The following ZNF536 variants were observed in gnomAD, a reference collection of about 807,000 sequenced individuals.
The protein encoded by ZNF536 is zinc finger protein 536.
In ZNF536, 13 loss-of-function variants were observed where a neutral mutation model predicts 84.5. The ratio of observed to expected loss-of-function variants is 0.15; its 90% CI spans 0.10 to 0.24. The LOEUF (loss-of-function observed/expected upper bound fraction) is 0.24, where lower values mean the gene tolerates loss of function less well. Ranked by LOEUF, ZNF536 falls within the 10% of genes least tolerant of loss-of-function variation. The pLI is 1.00. For synonymous variants in ZNF536, 811 were observed against 742.5 expected (o/e 1.09, Z -1.50); for missense variants, 1,536 against 1,747.5 (o/e 0.88, Z 2.16).
chr19:30,385,268 C>T (rs923155832), intron 1 of ZNF536, among the ~76,000 whole-genome samples: 2 of 152,010 alleles, frequency 1.3e-5, no homozygotes, highest in African/African-American at 2.4e-5. Flanking sequence ...GTCTAGCAAC[C>T]GCCCAGAGAC....
chr19:30,676,615 T>G (rs916101285), intron 1 of ZNF536, among the ~76,000 whole-genome samples: 6 of 152,272 alleles, frequency 3.9e-5, no homozygotes, highest in African/African-American at 1.4e-4. Context: ...GTGACTGGTT[T>G]ATAGATTATG....
chr19:30,444,015 G>T lies in ZNF536; in HGVS notation c.453G>T (p.Thr151=), dbSNP rs771040026. Residue 151 remains threonine, a synonymous_variant, in exon 2 of 5, where the codon ACG becomes ACT. Coordinates refer to ENST00000355537, the MANE Select transcript of ZNF536 (RefSeq NM_014717.3). ...FNSILSLHMR[T]HTGEKPFKCP... ...GCATCCTCTCCCTGCACATGCGCAC[G>T]CACACGGGCGAGAAGCCCTTCAAGT... 1 of 1,613,684 alleles carries T rather than the reference G, an allele frequency of 6.2e-7. No individual in the cohort carries two copies. The highest frequency in any genetic ancestry group is 1.1e-5 in the South Asian group (1 of 91,090).
intron 2 of ZNF536, among the ~76,000 whole-genome samples, chr19:30,517,431 G>A (rs943132344): frequency 5.3e-5 from 8 of 152,100 alleles, no homozygotes; most frequent in African/African-American, 1.4e-4. Context: ...GAAGGGGCCC[G>A]GTGGGGAGGA....
At chr19:30,569,967 G>A (rs1451459039) in intron 1 of ZNF536, among the ~76,000 whole-genome samples, 3 of 152,158 alleles carry the variant, frequency 2.0e-5, no homozygotes, top group African/African-American at 7.2e-5. Context: ...CTCCCCTGGG[G>A]GACACTTAGC....
chr19:30,471,662 A>T (rs2053638731), intron 2 of ZNF536, among the ~76,000 whole-genome samples: 1 of 152,214 alleles, frequency 6.6e-6, no homozygotes, highest in Non-Finnish European at 1.5e-5. Flanking sequence ...TGGGCAAAAC[A>T]GTATCACGGG....
downstream of ZNF536, among the ~76,000 whole-genome samples, chr19:30,561,270 G>A (rs2046154193): frequency 6.6e-6 from 1 of 152,230 alleles, no homozygotes; most frequent in African/African-American, 2.4e-5. Context: ...CTACTGGGAA[G>A]AGAGCTGGGG....
intron 1 of ZNF536, among the ~76,000 whole-genome samples, chr19:30,261,285 G>C (rs1427162605): frequency 9.5e-6 from 1 of 105,480 alleles, no homozygotes; most frequent in Non-Finnish European, 1.7e-5. Context: ...GCGACAGAGC[G>C]AGACTCCGTC....
intron 1 of ZNF536, among the ~76,000 whole-genome samples, chr19:30,690,716 T>C (rs1439975239): frequency 1.3e-5 from 2 of 152,168 alleles, no homozygotes; most frequent in Non-Finnish European, 2.9e-5. Context: ...GGCACATGAC[T>C]GTCTTTGCAC....
intron 1 of ZNF536, among the ~76,000 whole-genome samples, chr19:30,626,753 G>A (rs897548585): frequency 2.0e-5 from 3 of 152,216 alleles, no homozygotes; most frequent in Non-Finnish European, 2.9e-5. Context: ...TACTCGTGCA[G>A]AAGGGAAGGG....
At chr19:30,347,120 T>A (rs113129085) in intron 2 of ZNF536, among the ~76,000 whole-genome samples, 2 of 147,362 alleles carry the variant, frequency 1.4e-5, no homozygotes, top group Admixed American at 1.3e-4. Context: ...TTTTTTTTTT[T>A]ATATGATTCT....
rs762203005 is a variant in ZNF536, at chr19:30,445,065, C to T, written c.1503C>T (p.Ser501=). ...ATCTCGTGCCGCCGCTGAAATCCAG[C>T]TGCATCGAGCGGCTGCAGGCGGCTG... ...CLNLVPPLKS[S]CIERLQAAAK... The change falls in exon 2 of 5, where the codon AGC becomes AGT. Residue 501 remains serine (S), a synonymous_variant. Coordinates refer to ENST00000355537, the MANE Select transcript of ZNF536 (RefSeq NM_014717.3). The surrounding 1 kb of genome is among the most constrained non-coding windows in gnomAD (Gnocchi z 4.5). 39 of 1,613,566 alleles carry T rather than the reference C, an allele frequency of 2.4e-5. No individual in the cohort carries two copies. Among genetic ancestry groups the T allele is most frequent in the Non-Finnish European group, 2.9e-5 (34 of 1,180,052 alleles).
chr19:30,429,940 G>A (rs1433076), intron 1 of ZNF536, among the ~76,000 whole-genome samples: 76,310 of 151,652 alleles, frequency 0.5, 20,237 homozygotes, highest in Non-Finnish European at 0.59. Flanking sequence ...TCAGTCACAT[G>A]TGGGCCCCAG....
In ZNF536 at chr19:30,297,913, CTCT is replaced by C. The variant is rs1348590843; in HGVS notation, c.-120+13773_-120+13775del. The stretch of plus-strand genomic sequence containing the variant: ...TTTCTCAAGACGGAGTCCCCCCCCC[CTCT>C]GTCGCCCAGGCTGGAGTGCAGTGGT... On this transcript the variant is annotated intron_variant, in intron 2 of 5. Coordinates refer to the ZNF536 transcript ENST00000585628. Among the ~76,000 whole-genome samples the C allele has an allele frequency of 1.4e-3, 192 of 141,784 alleles. 6 individuals are homozygous for C. In the East Asian group the frequency reaches 0.019, roughly 14 times the overall value. The allele number at this position is 141,784 out of a possible 152,430, so 93.0% of individuals were successfully genotyped here. A position where few individuals can be genotyped will look rare whatever the true frequency, so the allele number is the denominator to read the frequency against.
intron 2 of ZNF536, among the ~76,000 whole-genome samples, chr19:30,315,585 G>C (rs1055256354): frequency 6.6e-6 from 1 of 152,158 alleles, no homozygotes; most frequent in Non-Finnish European, 1.5e-5. Flanking sequence ...GAAGGGTTTC[G>C]TGTTTCAGTG....
Position 30,549,479 on chromosome 19 carries a change from C to A in ZNF536, c.3860C>A (p.Ala1287Glu). Reference protein sequence around the residue: ...AAFNGLASSTANSGCIKRPDL... With the variant: ...AAFNGLASSTENSGCIKRPDL... Reference sequence around the variant, plus strand: ...TTTAACGGACTTGCAAGTAGCACAGCAAATTCTGGATGTATCAAGAGGCCA... The same window carrying A: ...TTTAACGGACTTGCAAGTAGCACAGAAAATTCTGGATGTATCAAGAGGCCA... Residue 1287 changes from alanine to glutamate, a missense_variant, in exon 4 of 5, where the codon GCA (alanine) becomes GAA (glutamate). Ala to Glu is a moderately radical substitution (Grantham distance 107). This residue lies in a region of ZNF536 where 624 missense variants were observed against 603.1 expected (regional missense o/e 1.03). Transcript: ENST00000355537. 1 of 1,517,494 alleles carries A rather than the reference C, an allele frequency of 6.6e-7. No individual in the cohort carries two copies. The highest frequency in any genetic ancestry group is 8.8e-7 in the Non-Finnish European group (1 of 1,133,384). The allele number at this position is 1,517,494 out of a possible 1,614,324, so 94.0% of individuals were successfully genotyped here. A position where few individuals can be genotyped will look rare whatever the true frequency, so the allele number is the denominator to read the frequency against.
chr19:30,588,639 C>T (rs537587009), intron 1 of ZNF536, among the ~76,000 whole-genome samples: 1 of 152,306 alleles, frequency 6.6e-6, no homozygotes, highest in African/African-American at 2.4e-5. Flanking sequence ...TTTAACACCT[C>T]TCCAACATTT....
intron 1 of ZNF536, among the ~76,000 whole-genome samples, chr19:30,567,709 T>TA: frequency 6.6e-6 from 1 of 152,182 alleles, no homozygotes; most frequent in East Asian, 1.9e-4. Context: ...ACCAGGATAA[T>TA]ATTTATCAAC....
rs532793639 is a variant in ZNF536, at chr19:30,259,661, G to A, written c.-189-24411G>A. On this transcript the variant is annotated intron_variant, in intron 1 of 5. Coordinates refer to the ZNF536 transcript ENST00000585628. Reference sequence around the variant, plus strand: ...TCCATCATCTCCTAGTGTCATCTTCGTGTCCCAGAGGCTGTGCTACAAGCC... The same window carrying A: ...TCCATCATCTCCTAGTGTCATCTTCATGTCCCAGAGGCTGTGCTACAAGCC... 1.6e-4 allele frequency among the ~76,000 whole-genome samples: 24 copies of A among 152,234 alleles called. No homozygotes were observed. In the South Asian group the frequency reaches 3.5e-3, roughly 22 times the overall value.
chr19:30,587,061 T>C (rs772768931), intron 1 of ZNF536, among the ~76,000 whole-genome samples: 1 of 152,234 alleles, frequency 6.6e-6, no homozygotes, highest in Non-Finnish European at 1.5e-5. Context: ...CATGACTCTG[T>C]CCACACATAT....
Sources: allele counts gnomAD v4.1 joint callset (sites outside exome capture counted in the v4.1 genomes callset), GRCh38; gene constraint gnomAD v4.1.1; regional missense constraint gnomAD v4.1.1; non-coding constraint Gnocchi (gnomAD v3.1); transcripts MANE v1.5; gene names NCBI Gene and HGNC (gene_info 2026-07-23, HGNC 2026-07-21).